Variants in ELAVL3 observed in about 807,000 individuals in gnomAD.
ELAVL3 encodes ELAV-like protein 3.
ELAVL3 carries 8 observed loss-of-function variants against 34.2 expected under a neutral mutation model. The observed-to-expected ratio is 0.23, with a 90% CI of 0.14 to 0.42. The LOEUF (loss-of-function observed/expected upper bound fraction) is 0.42. Among genes scored for constraint, ELAVL3 ranks in the 10% least tolerant of loss-of-function variants. The probability of loss-of-function intolerance (pLI) is 1.00; values close to 1 mark genes in which losing one functional copy is unlikely to be tolerated. For missense variants in ELAVL3, 273 were observed against 518.8 expected (o/e 0.53, Z 4.60); for synonymous variants, 209 against 222.1 (o/e 0.94, Z 0.53).
Position 11,466,055 on chromosome 19 carries a change from G to T in ELAVL3, c.333+117C>A. 1 of 915,280 alleles carries T rather than the reference G, an allele frequency of 1.1e-6. No homozygotes were observed. The highest frequency in any genetic ancestry group is 1.7e-6 in the Non-Finnish European group (1 of 578,174). 56.7% of individuals were successfully genotyped at this position (915,280 alleles called of 1,614,324 possible). A position where few individuals can be genotyped will look rare whatever the true frequency, so the allele number is the denominator to read the frequency against. On this transcript the variant is annotated intron_variant, in intron 3 of 6. Transcript: ENST00000359227. This position sits in a 1 kb window ranked among gnomAD's most constrained non-coding sequence, Gnocchi z 5.0. ...GAGGGGAGATTTGAGCCCCTCTGGG[G>T]ATGAGTCCTGAAAGGCAGTGGACAT...
At chr19:11,477,911 A>G (rs1340952434) in intron 1 of ELAVL3, among the ~76,000 whole-genome samples, 10 of 151,854 alleles carry the variant, frequency 6.6e-5, no homozygotes, top group Non-Finnish European at 1.3e-4. Context: ...GCTGGTCTCG[A>G]ACTCCTGACC....
intron 1 of ELAVL3, among the ~76,000 whole-genome samples, chr19:11,475,676 C>T (rs1464886792): frequency 2.7e-5 from 4 of 150,332 alleles, no homozygotes; most frequent in African/African-American, 4.9e-5. Context: ...TGTAGTGGCA[C>T]GATCTTGGCT....
rs2144881343 is a variant in ELAVL3, at chr19:11,458,702, A to G, written c.334-91T>C. ...GCCATGTCTAAACCATCACGGAGTT[A>G]GCAGAAGTGACCCATCCGTCACTCA... On this transcript the variant is annotated intron_variant, in intron 3 of 6. Transcript: ENST00000359227. This position sits in a 1 kb window ranked among gnomAD's most constrained non-coding sequence, Gnocchi z 7.3. The G allele has an allele frequency of 6.6e-7, 1 of 1,517,014 alleles. No homozygotes were observed. Among genetic ancestry groups the G allele is most frequent in the South Asian group, 1.2e-5 (1 of 83,060 alleles). 94.0% of individuals were successfully genotyped at this position (1,517,014 alleles called of 1,614,324 possible). A position where few individuals can be genotyped will look rare whatever the true frequency, so the allele number is the denominator to read the frequency against.
intron 3 of ELAVL3, among the ~76,000 whole-genome samples, chr19:11,463,901 G>A (rs776894087): frequency 2.0e-5 from 3 of 151,478 alleles, no homozygotes; most frequent in Non-Finnish European, 2.9e-5. Flanking sequence ...CCTGGGAGGC[G>A]GAGGTTGCAG....
chr19:11,457,601 T>C (rs1970797152), intron 5 of ELAVL3, among the ~76,000 whole-genome samples: 2 of 152,090 alleles, frequency 1.3e-5, no homozygotes, highest in Non-Finnish European at 2.9e-5. Flanking sequence ...TGGGTTTGAG[T>C]CTCTGCTCTG....
At chr19:11,467,127 CG>C (rs1568384060) in intron 1 of ELAVL3, among the ~76,000 whole-genome samples, 1 of 152,090 alleles carries the variant, frequency 6.6e-6, no homozygotes, top group East Asian at 1.9e-4. Context: ...GCTTTCACAC[CG>C]GAAACGCTTT....
At chr19:11,475,936 T>C (rs1260415463) in intron 1 of ELAVL3, among the ~76,000 whole-genome samples, 2 of 152,056 alleles carry the variant, frequency 1.3e-5, no homozygotes, top group East Asian at 3.9e-4. Flanking sequence ...GTAAAACAGA[T>C]GGCACAGAAG....
In ELAVL3 at chr19:11,454,278, T is replaced by G; in HGVS notation, c.*248A>C. On this transcript the variant is annotated 3_prime_UTR_variant, in exon 7 of 7. Coordinates refer to ENST00000359227, the MANE Select transcript of ELAVL3 (RefSeq NM_001420.4). This position sits in a 1 kb window ranked among gnomAD's most constrained non-coding sequence, Gnocchi z 9.2. ...CATGAACCAAACCAAGACGAGAGAG[T>G]GAACAGCCCAGCCTGGGGTGGGGGC... The G allele has an allele frequency of 2.1e-6, 1 of 481,910 alleles. No homozygotes were observed. The highest frequency in any genetic ancestry group is 3.7e-6 in the Non-Finnish European group (1 of 272,690). The allele number at this position is 481,910 out of a possible 1,614,324, so 29.9% of individuals were successfully genotyped here.
At chr19:11,465,092 CACCA>C in intron 3 of ELAVL3, among the ~76,000 whole-genome samples, 1 of 138,546 alleles carries the variant, frequency 7.2e-6, no homozygotes, top group African/African-American at 2.7e-5. Flanking sequence ...GACACACACA[CACCA>C]CACACACATA....
Position 11,457,109 on chromosome 19 carries a change from C to T in ELAVL3, c.752+1G>A. 1 of 1,531,602 alleles carries T rather than the reference C, an allele frequency of 6.5e-7. No homozygotes were observed. The highest frequency in any genetic ancestry group is 1.3e-5 in the South Asian group (1 of 77,444). The allele number at this position is 1,531,602 out of a possible 1,614,324, so 94.9% of individuals were successfully genotyped here. The stretch of plus-strand genomic sequence containing the variant: ...GGACAGTGGGGCGGGGTCACTGTTA[C>T]CTCTTGACGCCGTAGGCCATGTTGA... On this transcript the variant is annotated splice_donor_variant, in intron 6 of 6. Transcript: ENST00000359227. LOFTEE classifies it high-confidence loss of function.
chr19:11,462,601 A>C (rs533092472), intron 3 of ELAVL3, among the ~76,000 whole-genome samples: 14 of 151,164 alleles, frequency 9.3e-5, no homozygotes, highest in African/African-American at 3.4e-4. Flanking sequence ...GCACCACTGT[A>C]ATCCGGCCTG....
intron 3 of ELAVL3, among the ~76,000 whole-genome samples, chr19:11,464,318 G>A (rs186374478): frequency 1.7e-4 from 25 of 151,376 alleles, no homozygotes; most frequent in African/African-American, 5.8e-4. Flanking sequence ...AAGATGCCAC[G>A]CCCAGCTAAT....
Position 11,480,826 on chromosome 19 carries a change from G to A in ELAVL3, c.-218C>T. 2 of 391,960 alleles carry A rather than the reference G, an allele frequency of 5.1e-6. No individual in the cohort carries two copies. Among genetic ancestry groups the A allele is most frequent in the Non-Finnish European group, 8.9e-6 (2 of 224,334 alleles). 24.3% of individuals were successfully genotyped at this position (391,960 alleles called of 1,614,324 possible). A position where few individuals can be genotyped will look rare whatever the true frequency, so the allele number is the denominator to read the frequency against. ...ATGGCCGGGCCCCGGGGTGGCCTGC[G>A]GGCGGCAGGGGATGGAAAGAGGGAG... is the stretch of plus-strand genomic sequence containing the variant. On this transcript the variant is annotated 5_prime_UTR_variant, in exon 1 of 7. Transcript: ENST00000359227. The surrounding 1 kb of genome is among the most constrained non-coding windows in gnomAD (Gnocchi z 6.8).
Position 11,452,985 on chromosome 19 carries a change from C to G in ELAVL3, c.*1541G>C, listed in dbSNP as rs771524803. ...AGGGGATAGGTAGGTGACAAGTGGA[C>G]GGGAAAGGAGTGTGGGGCTGGGCCT... On this transcript the variant is annotated 3_prime_UTR_variant, in exon 7 of 7. Transcript: ENST00000359227. 6.6e-6 allele frequency: 1 copy of G among 152,198 alleles called. No homozygotes were observed. The highest frequency in any genetic ancestry group is 1.5e-5 in the Non-Finnish European group (1 of 68,058). 9.4% of individuals were successfully genotyped at this position (152,198 alleles called of 1,614,324 possible). A position where few individuals can be genotyped will look rare whatever the true frequency, so the allele number is the denominator to read the frequency against.
chr19:11,454,627 A>C lies in ELAVL3; in HGVS notation c.1003T>G (p.Tyr335Asp). ...GCGATGGCCATGGCCGCCTCGTCAT[A>C]GTTGGTCATGGTCACGAAGCCGAAA... The part of the protein sequence containing the change: ...KGFGFVTMTN[Y>D]DEAAMAIASL... Residue 335 changes from tyrosine (Y) to aspartate (D), a missense_variant, in exon 7 of 7, where the codon TAT becomes GAT. Transcript: ENST00000359227. This position sits in a 1 kb window ranked among gnomAD's most constrained non-coding sequence, Gnocchi z 9.2. 6.2e-7 allele frequency: 1 copy of C among 1,614,184 alleles called. No individual in the cohort carries two copies.
At position 11,466,468 on chromosome 19, in the gene ELAVL3, CCATCAGACCTCACATCCCTAGACCA is replaced by C. The variant is rs1971054512; in HGVS notation, c.229+115_229+139del. The C allele has an allele frequency of 1.9e-6, 2 of 1,072,064 alleles. No homozygotes were observed. Among genetic ancestry groups the C allele is most frequent in the Non-Finnish European group, 2.8e-6 (2 of 724,896 alleles). The allele number at this position is 1,072,064 out of a possible 1,614,324, so 66.4% of individuals were successfully genotyped here. A position where few individuals can be genotyped will look rare whatever the true frequency, so the allele number is the denominator to read the frequency against. On this transcript the variant is annotated intron_variant, in intron 2 of 6. Coordinates refer to ENST00000359227, the MANE Select transcript of ELAVL3 (RefSeq NM_001420.4). The surrounding 1 kb of genome is among the most constrained non-coding windows in gnomAD (Gnocchi z 5.0). Reference sequence around the variant, plus strand: ...TCACCTAGGGGGTATACCCATCTCCCCATCAGACCTCACATCCCTAGACCACCTCCTGCCTCGATTACCCCCGAGA... The same window carrying C: ...TCACCTAGGGGGTATACCCATCTCCCCCTCCTGCCTCGATTACCCCCGAGA...
chr19:11,477,502 C>A (rs1356077954), intron 1 of ELAVL3, among the ~76,000 whole-genome samples: 1 of 152,086 alleles, frequency 6.6e-6, no homozygotes, highest in Non-Finnish European at 1.5e-5. Context: ...GATCCTCCTG[C>A]CTTAGCCTCC....
In ELAVL3 at chr19:11,480,342, C is replaced by T. The variant is rs1194339372; in HGVS notation, c.9+258G>A. 5.0e-6 allele frequency: 2 copies of T among 402,600 alleles called. No individual in the cohort carries two copies. The highest frequency in any genetic ancestry group is 8.8e-6 in the Non-Finnish European group (2 of 228,278). The allele number at this position is 402,600 out of a possible 1,614,324, so 24.9% of individuals were successfully genotyped here. On this transcript the variant is annotated intron_variant, in intron 1 of 6. Coordinates refer to ENST00000359227, the MANE Select transcript of ELAVL3 (RefSeq NM_001420.4). The surrounding 1 kb of genome is among the most constrained non-coding windows in gnomAD (Gnocchi z 6.8). The stretch of plus-strand genomic sequence containing the variant: ...AGGCCTGCTGGAGAGGGGGCAATCC[C>T]GCCTCCAGGGCGGCGTCGGACGCCT...
rs368875153 is a variant in ELAVL3, at chr19:11,453,790, C to CA, written c.*735dup. The CA allele has an allele frequency of 6.7e-6, 1 of 150,236 alleles. No homozygotes were observed. The highest frequency in any genetic ancestry group is 1.5e-5 in the Non-Finnish European group (1 of 67,134). 9.3% of individuals were successfully genotyped at this position (150,236 alleles called of 1,614,324 possible). A position where few individuals can be genotyped will look rare whatever the true frequency, so the allele number is the denominator to read the frequency against. On this transcript the variant is annotated 3_prime_UTR_variant, in exon 7 of 7. Coordinates refer to ENST00000359227, the MANE Select transcript of ELAVL3 (RefSeq NM_001420.4). The stretch of plus-strand genomic sequence containing the variant: ...TAAGCCCTGCTCCCTGGGCCCCCCC[C>CA]ACCCCCGCCCCAGTTGGTAAACATA...
Sources: allele counts gnomAD v4.1 joint callset (sites outside exome capture counted in the v4.1 genomes callset), GRCh38; gene constraint gnomAD v4.1.1; non-coding constraint Gnocchi (gnomAD v3.1); transcripts MANE v1.5; gene names NCBI Gene and HGNC (gene_info 2026-07-23, HGNC 2026-07-21).